The following USO1 variants were observed in gnomAD, a reference collection of about 807,000 sequenced individuals.
USO1 encodes general vesicular transport factor p115.
Under a neutral mutation model 124.5 loss-of-function variants are expected in USO1, and 57 were observed. That is an observed-to-expected ratio of 0.46 (90% CI 0.37 to 0.57). The LOEUF is 0.57. Among genes scored for constraint, USO1 ranks in the 20% least tolerant of loss-of-function variants. USO1 has a pLI of 0.00. For synonymous variants in USO1, 369 were observed against 362.8 expected, an observed-to-expected ratio of 1.02 and a Z score of -0.19; for missense variants, 900 against 1,040.6, an observed-to-expected ratio of 0.86 and a Z score of 1.86.
At chr4:75,739,507 T>G (rs1342656572) in intron 1 of USO1, among the ~76,000 whole-genome samples, 3 of 151,744 alleles carry the variant, frequency 2.0e-5, no homozygotes, top group African/African-American at 7.3e-5. Flanking sequence ...TTTAGTGTTA[T>G]GCTTTTTGCA....
At chr4:75,760,808 T>G (rs1199426126) in intron 4 of USO1, among the ~76,000 whole-genome samples, 1 of 152,234 alleles carries the variant, frequency 6.6e-6, no homozygotes. Flanking sequence ...ATCTGTTTAC[T>G]GTCCAGAACA....
chr4:75,732,691 A>C (rs1167412768), intron 1 of USO1, among the ~76,000 whole-genome samples: 1 of 151,458 alleles, frequency 6.6e-6, no homozygotes, highest in Admixed American at 6.6e-5. Flanking sequence ...ATCCTGGCCA[A>C]CATGGTGAAA....
intron 1 of USO1, among the ~76,000 whole-genome samples, chr4:75,728,642 G>A (rs1283577185): frequency 6.6e-6 from 1 of 152,158 alleles, no homozygotes; most frequent in Non-Finnish European, 1.5e-5. Context: ...GAGAGAGCGA[G>A]ACTGTCTCAA....
At chr4:75,794,494 G>A (rs577232300) in intron 13 of USO1, among the ~76,000 whole-genome samples, 24 of 152,340 alleles carry the variant, frequency 1.6e-4, no homozygotes, top group African/African-American at 5.8e-4. Flanking sequence ...AAGTGTAGTT[G>A]CTAGGCATTT....
chr4:75,758,977 A>G (rs1721519771), intron 4 of USO1, among the ~76,000 whole-genome samples: 1 of 152,162 alleles, frequency 6.6e-6, no homozygotes, highest in African/African-American at 2.4e-5. Flanking sequence ...TTTAAAAATG[A>G]CATTCTTTTC....
chr4:75,738,569 C>T (rs1265382302), intron 1 of USO1, among the ~76,000 whole-genome samples: 1 of 152,128 alleles, frequency 6.6e-6, no homozygotes, highest in South Asian at 2.1e-4. Context: ...CTTCAACCTC[C>T]TGGCTTTAAG....
intron 4 of USO1, among the ~76,000 whole-genome samples, chr4:75,759,268 A>ATTTTTTTTTTTTTTTT (rs1721531418): frequency 1.9e-4 from 1 of 5,352 alleles, no homozygotes; most frequent in Non-Finnish European, 4.6e-4. Flanking sequence ...TTTTTTTCTG[A>ATTTTTTTTTTTTTTTT]AAATTTAGTC....
chr4:75,756,834 AAAT>A (rs999027973), intron 3 of USO1, among the ~76,000 whole-genome samples: 44 of 152,102 alleles, frequency 2.9e-4, no homozygotes, highest in Non-Finnish European at 2.1e-4. Flanking sequence ...TTTTTTAAGA[AAAT>A]AATATATAAA....
At chr4:75,753,109 A>G (rs984568548) in intron 3 of USO1, among the ~76,000 whole-genome samples, 2 of 152,170 alleles carry the variant, frequency 1.3e-5, no homozygotes, top group Non-Finnish European at 2.9e-5. Flanking sequence ...GTTAAGTGTT[A>G]AATATGAGCC....
At position 75,724,736 on chromosome 4, in the gene USO1, G is replaced by A; in HGVS notation, c.-84G>A. 4 of 1,441,466 alleles carry A rather than the reference G, an allele frequency of 2.8e-6. No homozygotes were observed. Among genetic ancestry groups the A allele is most frequent in the Non-Finnish European group, 3.8e-6 (4 of 1,041,076 alleles). 89.3% of individuals were successfully genotyped at this position (1,441,466 alleles called of 1,614,324 possible). ...GTAGGAGTGTGTAGAGTGCGGGATT[G>A]GGGCCCAGGCCCTGCGGAGGGCGGG... On this transcript the variant is annotated 5_prime_UTR_variant, in exon 1 of 24. Transcript: ENST00000514213.
chr4:75,788,253 CG>C (rs2149179683), intron 10 of USO1, among the ~76,000 whole-genome samples: 1 of 151,100 alleles, frequency 6.6e-6, no homozygotes, highest in African/African-American at 2.4e-5. Context: ...CTGCAACCCC[CG>C]CCTTCCGGGT....
intron 16 of USO1, 136 bp from the exon 17 acceptor site, chr4:75,800,943 C>T (rs1214935266): frequency 1.4e-6 from 2 of 1,405,842 alleles, no homozygotes; most frequent in East Asian, 2.5e-5. Context: ...CATTGAAGGA[C>T]ATTTGGCTTT....
intron 4 of USO1, among the ~76,000 whole-genome samples, chr4:75,764,461 G>T (rs188377014): frequency 6.6e-6 from 1 of 152,214 alleles, no homozygotes; most frequent in African/African-American, 2.4e-5. Context: ...GTCCACAGGG[G>T]CTTAGTTCTG....
chr4:75,742,954 G>C (rs1371892014), intron 1 of USO1, among the ~76,000 whole-genome samples: 2 of 151,974 alleles, frequency 1.3e-5, no homozygotes, highest in African/African-American at 4.8e-5. Flanking sequence ...GCCTGCTTCA[G>C]GATCCCATCT....
At chr4:75,737,023 C>T (rs1162449607) in intron 1 of USO1, among the ~76,000 whole-genome samples, 4 of 152,132 alleles carry the variant, frequency 2.6e-5, no homozygotes, top group Admixed American at 2.6e-4. Flanking sequence ...GGATGTTACT[C>T]GAGCCTGCAT....
intron 1 of USO1, among the ~76,000 whole-genome samples, chr4:75,727,048 A>G (rs1394993779): frequency 1.3e-5 from 2 of 152,154 alleles, no homozygotes; most frequent in Non-Finnish European, 1.5e-5. Context: ...ATGAGAGGTA[A>G]TTTTTACTAT....
chr4:75,790,701 C>T lies in USO1; in HGVS notation c.1144C>T (p.Arg382Cys), dbSNP rs772397784. Residue 382 changes from arginine (R) to cysteine (C), a missense_variant, in exon 12 of 24, where the codon CGC becomes TGC. Physicochemically the swap from Arg to Cys is radical, Grantham distance 180. Around this residue, in one of 2 missense-constraint regions of USO1, gnomAD observed 538 missense variants for 681.6 expected, o/e 0.79. Coordinates refer to ENST00000514213, the MANE Select transcript of USO1 (RefSeq NM_003715.4). ...TAATGAAAGGCAGCCATTTGTTTTG[C>T]GCTGTGCTGTTCTCTATTGTTTCCA... is the stretch of plus-strand genomic sequence containing the variant. ...MVNERQPFVL[R>C]CAVLYCFQCF... The T allele has an allele frequency of 2.5e-6, 4 of 1,613,370 alleles. No individual in the cohort carries two copies. Among genetic ancestry groups the T allele is most frequent in the Non-Finnish European group, 3.4e-6 (4 of 1,179,630 alleles).
chr4:75,799,851 T>A (rs1722793295), intron 14 of USO1, 119 bp downstream of exon 14: 1 of 1,218,238 alleles, frequency 8.2e-7, no homozygotes, highest in East Asian at 2.6e-5. Context: ...TTATCTGTGT[T>A]GCAACTTTTT....
rs371900631 is a variant in USO1, at chr4:75,809,185, G to T, written c.2475+134G>T. The T allele has an allele frequency of 5.7e-6, 6 of 1,046,856 alleles. No individual in the cohort carries two copies. The East Asian group carries it at 1.8e-4, about 31-fold the overall frequency. 64.8% of individuals were successfully genotyped at this position (1,046,856 alleles called of 1,614,324 possible). The stretch of plus-strand genomic sequence containing the variant: ...AGATTACTTACTAGCCGGTATTCTA[G>T]TAACATAGGCTTCATGTTCATGGTG... On this transcript the variant is annotated intron_variant, in intron 21 of 23. Transcript: ENST00000514213.
Sources: gnomAD v4.1 joint callset for allele counts (sites outside exome capture counted in the v4.1 genomes callset) on GRCh38, gnomAD v4.1.1 for gene constraint, gnomAD v4.1.1 regional missense constraint, MANE v1.5 for transcripts, NCBI Gene and HGNC (gene_info 2026-07-23, HGNC 2026-07-21) for gene names.